The following MACROD2 variants were observed in gnomAD, a reference collection of about 807,000 sequenced individuals.
MACROD2 encodes ADP-ribose glycohydrolase MACROD2.
A neutral mutation model predicts 70.4 loss-of-function variants in MACROD2; 36 were observed. The ratio of observed to expected loss-of-function variants is 0.51; its 90% CI spans 0.39 to 0.68. The LOEUF is 0.68. Among genes scored for constraint, MACROD2 ranks in the 30% least tolerant of loss-of-function variants. MACROD2 has a pLI of 0.00. For missense variants in MACROD2, 496 were observed against 538.4 expected, an observed-to-expected ratio of 0.92 and a Z score of 0.78; for synonymous variants, 172 against 178.8, an observed-to-expected ratio of 0.96 and a Z score of 0.30.
At chr20:14,729,512 G>A (rs2071568798) in intron 5 of MACROD2, among the ~76,000 whole-genome samples, 1 of 152,064 alleles carries the variant, frequency 6.6e-6, no homozygotes, top group African/African-American at 2.4e-5. Context: ...CCTTTGACCT[G>A]GGCAATTCTT....
intron 6 of MACROD2, among the ~76,000 whole-genome samples, chr20:15,352,175 G>A (rs1356849559): frequency 6.6e-6 from 1 of 152,156 alleles, no homozygotes; most frequent in Non-Finnish European, 1.5e-5. Flanking sequence ...AGAAGCCAAG[G>A]CTTGGCAGGA....
At chr20:14,066,315 A>G (rs946124438) in intron 2 of MACROD2, among the ~76,000 whole-genome samples, 13 of 152,286 alleles carry the variant, frequency 8.5e-5, no homozygotes, top group Middle Eastern at 6.8e-3. Context: ...GGCATTTACT[A>G]TATATCTTAT....
intron 15 of MACROD2, among the ~76,000 whole-genome samples, chr20:16,005,494 G>A (rs917595035): frequency 6.6e-5 from 10 of 152,284 alleles, no homozygotes; most frequent in Middle Eastern, 3.4e-3. Flanking sequence ...ACTGACATCA[G>A]AGAGAGCGTA....
intron 8 of MACROD2, among the ~76,000 whole-genome samples, chr20:15,674,739 CTA>C (rs916148662): frequency 7.3e-6 from 1 of 136,786 alleles, no homozygotes; most frequent in Non-Finnish European, 1.6e-5. Context: ...GTGTGTGTGT[CTA>C]TGTGTGTGTG....
Position 15,021,294 on chromosome 20 carries a change from G to A in MACROD2, c.419-208646G>A, listed in dbSNP as rs576633900. Among the ~76,000 whole-genome samples, 4 of 72,246 alleles carry A rather than the reference G, an allele frequency of 5.5e-5. 1 individual carries two copies. The highest frequency in any genetic ancestry group is 1.2e-4 in the Non-Finnish European group (4 of 34,646). 47.4% of individuals were successfully genotyped at this position (72,246 alleles called of 152,430 possible). On this transcript the variant is annotated intron_variant, in intron 5 of 17. Coordinates refer to ENST00000684519, the MANE Select transcript of MACROD2 (RefSeq NM_001351661.2). ...TGTGTATACGCACACCTGTGTGTGT[G>A]TATATGCACATATACATATACATAT...
At chr20:14,418,337 A>G (rs1402844921) in intron 3 of MACROD2, among the ~76,000 whole-genome samples, 2 of 152,210 alleles carry the variant, frequency 1.3e-5, no homozygotes, top group Non-Finnish European at 2.9e-5. Context: ...AATCTGCAGT[A>G]TGGTATGTGT....
chr20:14,853,954 G>A (rs1403351251), intron 5 of MACROD2, among the ~76,000 whole-genome samples: 1 of 152,118 alleles, frequency 6.6e-6, no homozygotes, highest in African/African-American at 2.4e-5. Context: ...ATTTTAGTTA[G>A]ATTTGGGTGT....
chr20:14,631,601 TCTA>T (rs1328636175), intron 4 of MACROD2, among the ~76,000 whole-genome samples: 1 of 152,062 alleles, frequency 6.6e-6, no homozygotes, highest in African/African-American at 2.4e-5. Flanking sequence ...AAACCCCGTC[TCTA>T]CTAAAAATGA....
intron 3 of MACROD2, among the ~76,000 whole-genome samples, chr20:14,279,577 A>G (rs2082288250): frequency 6.6e-6 from 1 of 152,184 alleles, no homozygotes; most frequent in East Asian, 1.9e-4. Context: ...ATTTTTGCAG[A>G]TGGAGAATTT....
intron 5 of MACROD2, among the ~76,000 whole-genome samples, chr20:15,120,997 G>A (rs1436959580): frequency 6.6e-6 from 1 of 151,984 alleles, no homozygotes; most frequent in Non-Finnish European, 1.5e-5. Flanking sequence ...GATTCTTTTG[G>A]TCTTTTTCTG....
intron 5 of MACROD2, among the ~76,000 whole-genome samples, chr20:14,984,337 A>C (rs1265696508): frequency 6.6e-6 from 1 of 152,130 alleles, no homozygotes; most frequent in Non-Finnish European, 1.5e-5. Flanking sequence ...ACAAAAGGCA[A>C]TAGGTTTTTG....
At chr20:14,171,028 A>T (rs574399016) in intron 3 of MACROD2, among the ~76,000 whole-genome samples, 2 of 152,150 alleles carry the variant, frequency 1.3e-5, no homozygotes, top group African/African-American at 4.8e-5. Flanking sequence ...GCTGCTTATT[A>T]TTGGTCTGTT....
chr20:15,678,584 C>T (rs1467277951), intron 8 of MACROD2, among the ~76,000 whole-genome samples: 2 of 152,116 alleles, frequency 1.3e-5, no homozygotes, highest in South Asian at 2.1e-4. Flanking sequence ...TGGTCTCAAT[C>T]TCCTGACCTC....
At chr20:15,492,066 T>G (rs1050498660) in intron 7 of MACROD2, among the ~76,000 whole-genome samples, 3 of 152,248 alleles carry the variant, frequency 2.0e-5, no homozygotes, top group African/African-American at 7.2e-5. Flanking sequence ...TTTAGCATTC[T>G]GCTGCTGTGC....
intron 3 of MACROD2, among the ~76,000 whole-genome samples, chr20:14,345,352 G>C (rs2083052934): frequency 6.6e-6 from 1 of 152,102 alleles, no homozygotes; most frequent in Admixed American, 6.5e-5. Flanking sequence ...TATATCCTAT[G>C]TGTTTTCAGT....
intron 4 of MACROD2, among the ~76,000 whole-genome samples, chr20:14,556,312 T>C (rs1224495852): frequency 1.3e-5 from 2 of 152,050 alleles, no homozygotes. Flanking sequence ...AGGAAGTCTC[T>C]CAAAGATCAA....
At chr20:15,512,341 A>G (rs1412535369) in intron 8 of MACROD2, among the ~76,000 whole-genome samples, 3 of 152,246 alleles carry the variant, frequency 2.0e-5, no homozygotes, top group Non-Finnish European at 4.4e-5. Flanking sequence ...TTTAGAAAGG[A>G]TTTTAGTATA....
At chr20:15,748,423 G>C (rs535498405) in intron 8 of MACROD2, among the ~76,000 whole-genome samples, 1 of 146,688 alleles carries the variant, frequency 6.8e-6, no homozygotes, top group East Asian at 2.0e-4. Flanking sequence ...TTTCTGTCCT[G>C]CCCACTCATC....
chr20:14,801,862 A>T (rs2072579965), intron 5 of MACROD2, among the ~76,000 whole-genome samples: 1 of 152,042 alleles, frequency 6.6e-6, no homozygotes, highest in East Asian at 1.9e-4. Context: ...CTTTCCTTTC[A>T]CGGCTTCCAG....
Sources: gnomAD v4.1 joint callset for allele counts (sites outside exome capture counted in the v4.1 genomes callset) on GRCh38, gnomAD v4.1.1 for gene constraint, MANE v1.5 for transcripts, NCBI Gene and HGNC (gene_info 2026-07-23, HGNC 2026-07-21) for gene names.